PMM1: variants seen among roughly 807,000 people sequenced by gnomAD.
PMM1 encodes brain glucose-1,6-bisphosphatase.
A neutral mutation model predicts 34.0 loss-of-function variants in PMM1; 25 were observed. The observed-to-expected ratio is 0.73, with a 90% confidence interval of 0.54 to 1.03. The LOEUF is 1.03. Ranked by LOEUF, PMM1 falls within the 50% of genes least tolerant of loss-of-function variation. PMM1 has a pLI of 0.00. For synonymous variants in PMM1, 134 were observed against 143.9 expected, an observed-to-expected ratio of 0.93 and a Z score of 0.49; for missense variants, 321 against 350.1, an observed-to-expected ratio of 0.92 and a Z score of 0.66.
At chr22:41,588,888 G>A in intron 1 of PMM1, 2 of 977,112 alleles carry the variant, frequency 2.0e-6, no homozygotes, top group African/African-American at 1.7e-5. Flanking sequence ...CTGGAGGGTG[G>A]GTTACCCACA....
intron 5 of PMM1, chr22:41,580,240 G>A (rs2067228786): frequency 6.6e-6 from 1 of 152,342 alleles, no homozygotes. Context: ...CTCATCTAAG[G>A]AAGGGAAGTA....
At position 41,584,005 on chromosome 22, in the gene PMM1, C is replaced by T. The variant is rs779849249; in HGVS notation, c.428G>A (p.Arg143Gln). Residue 143 changes from arginine (R) to glutamine (Q), a missense_variant, in exon 5 of 8, where the codon CGG (arginine) becomes CAG (glutamine). Physicochemically the swap from Arg to Gln is conservative, Grantham distance 43. Transcript: ENST00000216259. ...NGMLNISPIG[R>Q]SCTLEERIEF... ...GATCCTCTCCTCCAGGGTGCAGCTC[C>T]GGCCGATGGGCGAGATGTTCAGCAT... 6.1e-5 allele frequency: 98 copies of T among 1,613,880 alleles called. No individual in the cohort carries two copies. The highest frequency in any genetic ancestry group is 4.9e-4 in the Middle Eastern group (3 of 6,084).
At chr22:41,584,132 C>T in intron 4 of PMM1, 74 bp from the exon 5 acceptor site, 1 of 1,347,148 alleles carries the variant, frequency 7.4e-7, no homozygotes, top group Non-Finnish European at 1.1e-6. Flanking sequence ...CCACCTGGGA[C>T]CCCAGCCTCC....
chr22:41,585,996 C>T lies in PMM1; in HGVS notation c.205+80G>A, dbSNP rs2067302769. On this transcript the variant is annotated intron_variant, in intron 2 of 7. Transcript: ENST00000216259. ...CTCTCTCTCTATTTCTTCTGCCCCACAGAAGCAGGACTGGATCTTTGAAGA... is the reference window on the plus strand; with the variant it reads ...CTCTCTCTCTATTTCTTCTGCCCCATAGAAGCAGGACTGGATCTTTGAAGA... 3 of 1,061,996 alleles carry T rather than the reference C, an allele frequency of 2.8e-6. No homozygotes were observed. The Admixed American group carries it at 7.1e-5, about 25-fold the overall frequency. The allele number at this position is 1,061,996 out of a possible 1,614,324, so 65.8% of individuals were successfully genotyped here.
intron 1 of PMM1, chr22:41,588,738 C>T: frequency 2.0e-6 from 2 of 985,448 alleles, no homozygotes; most frequent in South Asian, 9.4e-5. Flanking sequence ...GGCAACTTCA[C>T]CACAGAGGAT....
chr22:41,586,023 G>A (rs1016087575), intron 2 of PMM1, 53 bp downstream of exon 2: 13 of 1,326,806 alleles, frequency 9.8e-6, no homozygotes, highest in East Asian at 4.9e-5. Flanking sequence ...CTTTGAAGAC[G>A]CCCAGGAATC....
chr22:41,584,143 T>C (rs566059868), intron 4 of PMM1, 85 bp from the exon 5 acceptor site: 4 of 1,319,192 alleles, frequency 3.0e-6, no homozygotes, highest in Non-Finnish European at 3.3e-6. Flanking sequence ...CCCAGCCTCC[T>C]AGGACTTCAA....
At chr22:41,579,159 G>A (rs542599995) in intron 5 of PMM1, 2 of 430,360 alleles carry the variant, frequency 4.6e-6, no homozygotes, top group Non-Finnish European at 8.7e-6. Context: ...ACACGAGTAG[G>A]AAGGGCGAGG....
At chr22:41,584,224 C>T in intron 4 of PMM1, 57 bp downstream of exon 4, 2 of 1,502,268 alleles carry the variant, frequency 1.3e-6, no homozygotes, top group Non-Finnish European at 1.9e-6. Flanking sequence ...TCTGAGGGAC[C>T]CACACTTCTC....
At position 41,588,980 on chromosome 22, in the gene PMM1, A is replaced by C; in HGVS notation, c.87+739T>G. 5 of 1,145,752 alleles carry C rather than the reference A, an allele frequency of 4.4e-6. No homozygotes were observed. The South Asian group carries it at 6.4e-5, about 15-fold the overall frequency. 71.0% of individuals were successfully genotyped at this position (1,145,752 alleles called of 1,614,324 possible). A position where few individuals can be genotyped will look rare whatever the true frequency, so the allele number is the denominator to read the frequency against. On this transcript the variant is annotated intron_variant, in intron 1 of 7. Coordinates refer to ENST00000216259, the MANE Select transcript of PMM1 (RefSeq NM_002676.3). ...GGGGACTCACTCACAATGAGACCCA[A>C]TGGGAGAAAAACTGAGCAGAGGTAA...
chr22:41,577,093 G>T lies in PMM1; in HGVS notation c.*225C>A. The T allele has an allele frequency of 1.7e-6, 1 of 590,756 alleles. No homozygotes were observed. The highest frequency in any genetic ancestry group is 1.9e-5 in the South Asian group (1 of 51,904). 36.6% of individuals were successfully genotyped at this position (590,756 alleles called of 1,614,324 possible). ...CAGCAGCTGTGGCCTGGGCCACCAG[G>T]TGGAGCATGGGGAACACTCTGGGCC... On this transcript the variant is annotated 3_prime_UTR_variant, in exon 8 of 8. Coordinates refer to ENST00000216259, the MANE Select transcript of PMM1 (RefSeq NM_002676.3).
At chr22:41,578,143 G>A (rs1379751581) in intron 6 of PMM1, among the ~76,000 whole-genome samples, 4 of 152,160 alleles carry the variant, frequency 2.6e-5, no homozygotes, top group African/African-American at 7.2e-5. Flanking sequence ...CGGCCAGGGT[G>A]ATCAGGGGAG....
Position 41,589,797 on chromosome 22 carries a change from G to C in PMM1, c.9C>G (p.Val3=), listed in dbSNP as rs151061108. The change falls in exon 1 of 8, where the codon GTC becomes GTG. Residue 3 remains valine, a synonymous_variant. Transcript: ENST00000216259. MA[V]TAQAARRKER... ...CCTTCCTGCGGGCTGCCTGGGCGGT[G>C]ACTGCCATGGCTGCAGGTCCGCGCG... 4.4e-6 allele frequency: 7 copies of C among 1,606,520 alleles called. No individual in the cohort carries two copies. The highest frequency in any genetic ancestry group is 5.1e-6 in the Non-Finnish European group (6 of 1,177,572).
intron 1 of PMM1, chr22:41,589,102 C>T: frequency 7.7e-7 from 1 of 1,304,212 alleles, no homozygotes; most frequent in Non-Finnish European, 1.0e-6. Context: ...CCTGGAGCCT[C>T]TCACATCCGG....
chr22:41,584,806 G>C (rs2067289472), intron 2 of PMM1: 7 of 564,014 alleles, frequency 1.2e-5, no homozygotes, highest in Non-Finnish European at 3.2e-6. Flanking sequence ...CACACCTGTG[G>C]GCCTCTGCAC....
rs979158615 is a variant in PMM1 at position 41,584,577 on chromosome 22, C to T, written c.232G>A (p.Ala78Thr). 6.2e-7 allele frequency: 1 copy of T among 1,613,894 alleles called. No individual in the cohort carries two copies. Among genetic ancestry groups the T allele is most frequent in the Admixed American group, 1.7e-5 (1 of 59,974 alleles). ...TTATACTGCACCGTCCCGTTCTCGG[C>T]AAACACATAATCAAACTTCTCAATG... ...EVIEKFDYVF[A>T]ENGTVQYKHG... The change falls in exon 3 of 8, where the codon GCC (alanine) becomes ACC (threonine). Residue 78 changes from alanine to threonine, a missense_variant. Physicochemically the swap from Ala to Thr is moderately conservative, Grantham distance 58. Coordinates refer to ENST00000216259, the MANE Select transcript of PMM1 (RefSeq NM_002676.3).
chr22:41,579,105 TG>T, intron 5 of PMM1: 1 of 528,476 alleles, frequency 1.9e-6, no homozygotes, highest in Non-Finnish European at 3.4e-6. Context: ...GGGCTGCCAA[TG>T]GGGCTGTGGG....
At chr22:41,586,762 G>T (rs1171588446) in intron 1 of PMM1, among the ~76,000 whole-genome samples, 1 of 151,032 alleles carries the variant, frequency 6.6e-6, no homozygotes, top group East Asian at 2.0e-4. Context: ...ATCCGCCTGG[G>T]CCTCCCAAAG....
intron 6 of PMM1, among the ~76,000 whole-genome samples, chr22:41,578,569 T>C (rs1004569720): frequency 6.6e-6 from 1 of 152,078 alleles, no homozygotes; most frequent in Non-Finnish European, 1.5e-5. Flanking sequence ...CTCTGGTTTT[T>C]TGGCCTGAGA....
Sources: allele counts gnomAD v4.1 joint callset (sites outside exome capture counted in the v4.1 genomes callset), GRCh38; gene constraint gnomAD v4.1.1; transcripts MANE v1.5; gene names NCBI Gene and HGNC (gene_info 2026-07-23, HGNC 2026-07-21).